The following BEND2 variants were observed in gnomAD, a reference collection of about 807,000 sequenced individuals.
BEND2 encodes BEN domain containing 2.
Under a neutral mutation model 43.8 loss-of-function variants are expected in BEND2, and 19 were observed. That is an observed-to-expected ratio of 0.43 (90% CI 0.30 to 0.64). BEND2 has a LOEUF of 0.64. Among genes scored for constraint, BEND2 ranks in the 30% least tolerant of loss-of-function variants. The probability of loss-of-function intolerance (pLI) is 0.11; values close to 1 mark genes in which losing one functional copy is unlikely to be tolerated. For missense variants in BEND2, 544 were observed against 574.0 expected (o/e 0.95, Z 0.53); for synonymous variants, 226 against 210.1 (o/e 1.08, Z -0.66).
intron 10 of BEND2, 61 bp from the exon 11 acceptor site, chrX:18,176,154 A>T: frequency 1.8e-6 from 2 of 1,097,625 alleles, no homozygotes; most frequent in Non-Finnish European, 2.4e-6. Flanking sequence ...CTAATGAAAA[A>T]TTTTTTTCTT....
intron 4 of BEND2, among the ~76,000 whole-genome samples, chrX:18,204,847 A>T (rs1233368662): frequency 8.9e-6 from 1 of 111,877 alleles, no homozygotes; most frequent in Non-Finnish European, 1.9e-5. Flanking sequence ...TTTAGGAAAG[A>T]AATCCTCAAA....
chrX:18,175,977 T>C lies in BEND2; in HGVS notation c.1747A>G (p.Thr583Ala), dbSNP rs146962245. The change falls in exon 11 of 14, where the codon ACT becomes GCT. Residue 583 changes from threonine to alanine, a missense_variant. By Grantham distance (58) the Thr-to-Ala change is moderately conservative. Coordinates refer to ENST00000380033, the MANE Select transcript of BEND2 (RefSeq NM_153346.5). ...IYCLCSEGKS[T>A]PKTVRKNKKR... ...TTAGATGAAAAATAACTTACTGGAG[T>C]ACTCTTGCCTTCAGAACATAAACAG... 11 of 1,183,643 alleles carry C rather than the reference T, an allele frequency of 9.3e-6. No individual in the cohort carries two copies. Among genetic ancestry groups the C allele is most frequent in the Non-Finnish European group, 1.0e-5 (9 of 881,245 alleles).
At position 18,201,955 on chromosome X, in the gene BEND2, T is replaced by C; in HGVS notation, c.908-15A>G. 7 of 1,202,706 alleles carry C rather than the reference T, an allele frequency of 5.8e-6. No homozygotes were observed. Among genetic ancestry groups the C allele is most frequent in the Non-Finnish European group, 7.9e-6 (7 of 890,792 alleles). On this transcript the variant is annotated splice_polypyrimidine_tract_variant and intron_variant, in intron 5 of 13. Coordinates refer to ENST00000380033, the MANE Select transcript of BEND2 (RefSeq NM_153346.5). ...TTCTGGCATTTCTGTAAATAAAAAG[T>C]TTTCAAGAGCTGTAATACAAGAACT... is the stretch of plus-strand genomic sequence containing the variant.
At chrX:18,185,766 C>T (rs747984818) in intron 8 of BEND2, among the ~76,000 whole-genome samples, 2 of 109,971 alleles carry the variant, frequency 1.8e-5, no homozygotes, top group African/African-American at 6.6e-5. Context: ...TCCAATACGA[C>T]GGGCAGCAGA....
chrX:18,174,229 G>C lies in BEND2; in HGVS notation c.1782C>G (p.Thr594=), dbSNP rs762601785. The change falls in exon 12 of 14, where the codon ACC becomes ACG. Residue 594 remains threonine, a synonymous_variant. Transcript: ENST00000380033. ...PKTVRKNKKR[T]NRVASASADR... ...CTGCAGATGCCGATGCAACACGGTT[G>C]GTACGTTTTTTATTTTTGCGAACAG... The C allele has an allele frequency of 8.3e-7, 1 of 1,209,194 alleles. No individual in the cohort carries two copies. The highest frequency in any genetic ancestry group is 1.8e-5 in the African/African-American group (1 of 57,142).
chrX:18,205,092 A>G (rs1238838949), intron 4 of BEND2, among the ~76,000 whole-genome samples: 2 of 111,243 alleles, frequency 1.8e-5, no homozygotes, highest in Non-Finnish European at 3.8e-5. Flanking sequence ...AATCAAGCAT[A>G]TATGACTGAT....
intron 8 of BEND2, among the ~76,000 whole-genome samples, chrX:18,189,219 C>T (rs993554013): frequency 1.1e-5 from 1 of 93,272 alleles, no homozygotes; most frequent in Non-Finnish European, 2.2e-5. Flanking sequence ...AAAAAAAAAT[C>T]ATTCATGGAT....
intron 7 of BEND2, 112 bp downstream of exon 7, chrX:18,195,184 C>T (rs1213541530): frequency 1.1e-5 from 10 of 918,787 alleles, no homozygotes; most frequent in Non-Finnish European, 1.4e-5. Flanking sequence ...TTCTGAACTA[C>T]CTCAATATGA....
In BEND2 at chrX:18,165,006, C is replaced by A; in HGVS notation, c.*3G>T. 8.4e-7 allele frequency: 1 copy of A among 1,187,126 alleles called. No homozygotes were observed. Among genetic ancestry groups the A allele is most frequent in the East Asian group, 3.0e-5 (1 of 33,638 alleles). ...AAAAAAAAAAAAGTTTGGCAGCTGC[C>A]GTTCAGGTGCTTGGGTCAGTGGCGT... On this transcript the variant is annotated 3_prime_UTR_variant, in exon 14 of 14. Transcript: ENST00000380033.
chrX:18,208,021 G>GAA (rs201680223), intron 4 of BEND2, among the ~76,000 whole-genome samples: 147 of 89,232 alleles, frequency 1.6e-3, no homozygotes, highest in Non-Finnish European at 2.3e-3. Flanking sequence ...TTCTGTCTCA[G>GAA]AAAAAAAAAA....
At chrX:18,200,802 T>C (rs1217191675) in intron 6 of BEND2, among the ~76,000 whole-genome samples, 1 of 111,755 alleles carries the variant, frequency 8.9e-6, no homozygotes, top group Non-Finnish European at 1.9e-5. Flanking sequence ...ACGTTCTATG[T>C]CTTCACTGGA....
chrX:18,171,253 G>C (rs982813719), intron 12 of BEND2, 49 bp from the exon 13 acceptor site: 3 of 1,117,266 alleles, frequency 2.7e-6, no homozygotes, highest in Non-Finnish European at 3.6e-6. Context: ...ATGTTAGATT[G>C]CATTATTTTT....
intron 5 of BEND2, among the ~76,000 whole-genome samples, chrX:18,202,268 G>A (rs971248966): frequency 6.3e-5 from 7 of 111,994 alleles, no homozygotes; most frequent in African/African-American, 1.9e-4. Flanking sequence ...AAAATAGTTA[G>A]GCAGTTTCTC....
intron 8 of BEND2, among the ~76,000 whole-genome samples, chrX:18,182,351 G>T (rs1924412248): frequency 9.0e-6 from 1 of 111,258 alleles, no homozygotes; most frequent in Non-Finnish European, 1.9e-5. Context: ...AGATCTCCCA[G>T]TCATGCTTCC....
intron 8 of BEND2, among the ~76,000 whole-genome samples, chrX:18,183,338 A>G (rs1233582488): frequency 9.0e-6 from 1 of 111,693 alleles, no homozygotes; most frequent in African/African-American, 3.3e-5. Context: ...AAAAATCTAT[A>G]AACACTTGGA....
Position 18,164,786 on chromosome X carries a change from C to T in BEND2, c.*223G>A. ...AGCCCATGAGGAGTTTACTACCATT[C>T]CCTCAATCAGAGGTTGTCATCAAAT... On this transcript the variant is annotated 3_prime_UTR_variant, in exon 14 of 14. Coordinates refer to ENST00000380033, the MANE Select transcript of BEND2 (RefSeq NM_153346.5). The T allele has an allele frequency of 2.6e-6, 1 of 383,116 alleles. No homozygotes were observed. Among genetic ancestry groups the T allele is most frequent in the Non-Finnish European group, 4.4e-6 (1 of 225,415 alleles). The allele number at this position is 383,116 out of a possible 1,213,427, so 31.6% of individuals were successfully genotyped here. A position where few individuals can be genotyped will look rare whatever the true frequency, so the allele number is the denominator to read the frequency against.
chrX:18,213,777 G>T lies in BEND2; in HGVS notation c.373C>A (p.Pro125Thr). The change falls in exon 3 of 14, where the codon CCA (proline) becomes ACA (threonine). Residue 125 changes from proline to threonine, a missense_variant. By Grantham distance (38) the Pro-to-Thr change is conservative. Around this residue, in one of 2 missense-constraint regions of BEND2, gnomAD observed 501 missense variants for 501.6 expected, o/e 1.00. Transcript: ENST00000380033. Reference sequence around the variant, plus strand: ...AAATAAAAATAAAAATAAATACCTGGGCATGGTGGCGTGCGCCTGTCATCC... The same window carrying T: ...AAATAAAAATAAAAATAAATACCTGTGCATGGTGGCGTGCGCCTGTCATCC... ...SWDDRRTPPC[P>T]VAHGDQIVSQ... The T allele has an allele frequency of 1.3e-5, 2 of 156,914 alleles. No individual in the cohort carries two copies. The highest frequency in any genetic ancestry group is 2.4e-5 in the Non-Finnish European group (2 of 82,111). The allele number at this position is 156,914 out of a possible 1,213,427, so 12.9% of individuals were successfully genotyped here. A position where few individuals can be genotyped will look rare whatever the true frequency, so the allele number is the denominator to read the frequency against.
intron 4 of BEND2, among the ~76,000 whole-genome samples, chrX:18,205,980 T>C (rs752127853): frequency 9.0e-6 from 1 of 111,490 alleles, no homozygotes; most frequent in Non-Finnish European, 1.9e-5. Flanking sequence ...CAGCCACTTA[T>C]TGGCTGTGTG....
intron 13 of BEND2, among the ~76,000 whole-genome samples, chrX:18,169,399 T>A (rs1241463132): frequency 1.8e-5 from 2 of 110,942 alleles, no homozygotes; most frequent in African/African-American, 6.5e-5. Context: ...ATGTCTATTA[T>A]CGGTGATGGG....
Sources: gnomAD v4.1 joint callset for allele counts (sites outside exome capture counted in the v4.1 genomes callset) on GRCh38, gnomAD v4.1.1 for gene constraint, gnomAD v4.1.1 regional missense constraint, MANE v1.5 for transcripts, NCBI Gene and HGNC (gene_info 2026-07-23, HGNC 2026-07-21) for gene names.